WASHC5: variants seen among roughly 807,000 people sequenced by gnomAD.
The protein encoded by WASHC5 is WASH complex subunit 5, also known as WASH complex subunit strumpellin.
Under a neutral mutation model 150.4 loss-of-function variants are expected in WASHC5, and 101 were observed. The observed-to-expected ratio is 0.67, with a 90% CI of 0.57 to 0.79. The LOEUF is 0.79. WASHC5 is among the 30% of genes least tolerant of loss of function. WASHC5 has a pLI of 0.00. For missense variants in WASHC5, 1,195 were observed against 1,396.3 expected, an observed-to-expected ratio of 0.86 and a Z score of 2.30; for synonymous variants, 467 against 491.2, an observed-to-expected ratio of 0.95 and a Z score of 0.65.
chr8:125,039,533 T>G (rs559495388), intron 24 of WASHC5, among the ~76,000 whole-genome samples: 2 of 152,268 alleles, frequency 1.3e-5, no homozygotes, highest in South Asian at 4.1e-4. Context: ...TCAGCAGACA[T>G]GTATTGAATC....
Position 125,063,515 on chromosome 8 carries a change from T to C in WASHC5, c.1408+7A>G, listed in dbSNP as rs16900312. On this transcript the variant is annotated splice_region_variant and intron_variant, in intron 11 of 28. Coordinates refer to ENST00000318410, the MANE Select transcript of WASHC5 (RefSeq NM_014846.4). Reference sequence around the variant, plus strand: ...AAACACACCAGTATTTCCTCTTCAGTAATTACCATTTTTCTCCACTCTGGT... The same window carrying C: ...AAACACACCAGTATTTCCTCTTCAGCAATTACCATTTTTCTCCACTCTGGT... 4.7e-3 allele frequency: 7,626 copies of C among 1,613,548 alleles called. 316 individuals are homozygous for C. In the African/African-American group the frequency reaches 0.09, roughly 19 times the overall value.
At position 125,061,429 on chromosome 8, in the gene WASHC5, G is replaced by A. The variant is rs16900305; in HGVS notation, c.1409-235C>T. 0.026 allele frequency among the ~76,000 whole-genome samples: 3,998 copies of A among 152,244 alleles called. 182 individuals are homozygous for A. The highest frequency in any genetic ancestry group is 0.092 in the African/African-American group (3,828 of 41,520). On this transcript the variant is annotated intron_variant, in intron 11 of 28. Transcript: ENST00000318410. ...GCAGACAAATACTAAAGGCTCAAGT[G>A]CATGCTATAAAGTGTAGAGGTGGTG...
chr8:125,076,477 C>G lies in WASHC5; in HGVS notation c.735G>C (p.Glu245Asp), dbSNP rs765982075. 4 of 1,614,012 alleles carry G rather than the reference C, an allele frequency of 2.5e-6. No homozygotes were observed. The Middle Eastern group carries it at 5.0e-4, about 200-fold the overall frequency. ...GGTTTGCCAGGGCTGTGCTGCGATG[C>G]TCCGGCAAAGGATACGCTGAGACCT... The part of the protein sequence containing the change: ...YNQVSAYPLP[E>D]HRSTALANQA... The change falls in exon 7 of 29, where the codon GAG becomes GAC. Residue 245 changes from glutamate to aspartate, a missense_variant. Coordinates refer to ENST00000318410, the MANE Select transcript of WASHC5 (RefSeq NM_014846.4).
At chr8:125,054,144 T>C (rs777998772) in intron 17 of WASHC5, among the ~76,000 whole-genome samples, 3 of 152,206 alleles carry the variant, frequency 2.0e-5, no homozygotes, top group Non-Finnish European at 4.4e-5. Context: ...GAGACGTTCA[T>C]CATGACATTG....
intron 28 of WASHC5, among the ~76,000 whole-genome samples, chr8:125,026,641 T>A (rs1346796694): frequency 6.6e-6 from 1 of 152,160 alleles, no homozygotes; most frequent in South Asian, 2.1e-4. Flanking sequence ...TGAACTTACA[T>A]CTATTGACTA....
In WASHC5 at chr8:125,061,110, GT is replaced by G; in HGVS notation, c.1492del (p.Thr498LeufsTer4). On this transcript the variant is annotated frameshift_variant, in exon 12 of 29. Coordinates refer to ENST00000318410, the MANE Select transcript of WASHC5 (RefSeq NM_014846.4). LOFTEE classifies it high-confidence loss of function. The stretch of plus-strand genomic sequence containing the variant: ...TTCCAAAGCTTGTATCAGTTGTACA[GT>G]TTTTCTGCCCGCAGCAGTAGAATCA... ...YDDSTAAGRK[T>X]VQLIQALEEV... 1 of 1,610,506 alleles carries G rather than the reference GT, an allele frequency of 6.2e-7. No homozygotes were observed. The highest frequency in any genetic ancestry group is 1.1e-5 in the South Asian group (1 of 91,018).
chr8:125,024,620 C>CA lies in WASHC5; in HGVS notation c.3476dup (p.Ter1160ValfsTer48). 1 of 1,603,840 alleles carries CA rather than the reference C, an allele frequency of 6.2e-7. No individual in the cohort carries two copies. Among genetic ancestry groups the CA allele is most frequent in the Non-Finnish European group, 8.5e-7 (1 of 1,170,738 alleles). On this transcript the variant is annotated frameshift_variant, in exon 29 of 29. Coordinates refer to ENST00000318410, the MANE Select transcript of WASHC5 (RefSeq NM_014846.4). LOFTEE classifies it high-confidence loss of function. Reference sequence around the variant, plus strand: ...ATTGAAGAAGTAGGAAAAACAGTTACAGCACTGTTCTGAACTCATCAAAAA... The same window carrying CA: ...ATTGAAGAAGTAGGAAAAACAGTTACAAGCACTGTTCTGAACTCATCAAAAA...
At chr8:125,091,128 C>G (rs1346183233) in intron 1 of WASHC5, among the ~76,000 whole-genome samples, 1 of 147,548 alleles carries the variant, frequency 6.8e-6, no homozygotes, top group African/African-American at 2.5e-5. Context: ...GCCCTGGGAA[C>G]TTTTTTTTTT....
At chr8:125,079,164 C>T (rs1430400625) in intron 5 of WASHC5, among the ~76,000 whole-genome samples, 8 of 112,474 alleles carry the variant, frequency 7.1e-5, no homozygotes, top group East Asian at 2.3e-4. Context: ...GATGGAGTCT[C>T]GCTATGTATG....
intron 26 of WASHC5, among the ~76,000 whole-genome samples, chr8:125,033,340 T>C (rs1010534461): frequency 6.6e-6 from 1 of 151,964 alleles, no homozygotes; most frequent in African/African-American, 2.4e-5. Flanking sequence ...TAGTCACAAA[T>C]ATACCAAATA....
chr8:125,039,155 T>C (rs1464850603), intron 24 of WASHC5, among the ~76,000 whole-genome samples, 196 bp from the exon 25 acceptor site: 1 of 152,254 alleles, frequency 6.6e-6, no homozygotes, highest in Non-Finnish European at 1.5e-5. Context: ...CTTCATCTTT[T>C]GGAATCAACC....
chr8:125,046,139 G>A (rs1056940674), intron 20 of WASHC5, among the ~76,000 whole-genome samples: 4 of 152,128 alleles, frequency 2.6e-5, no homozygotes, highest in African/African-American at 7.2e-5. Context: ...TCAACTACAC[G>A]TGCCTGGGTG....
chr8:125,074,901 T>A (rs1350024207), intron 8 of WASHC5, 97 bp downstream of exon 8: 1 of 793,120 alleles, frequency 1.3e-6, no homozygotes, highest in Non-Finnish European at 2.3e-6. Context: ...ATCTAAGTGA[T>A]TATCTTCCAA....
chr8:125,080,148 C>G (rs1040924549), intron 5 of WASHC5, among the ~76,000 whole-genome samples: 7 of 152,166 alleles, frequency 4.6e-5, no homozygotes, highest in Non-Finnish European at 1.0e-4. Flanking sequence ...ATCTCTTTTG[C>G]CACGACTGTG....
At chr8:125,026,133 GC>G (rs1305885201) in intron 28 of WASHC5, among the ~76,000 whole-genome samples, 1 of 152,144 alleles carries the variant, frequency 6.6e-6, no homozygotes, top group East Asian at 1.9e-4. Flanking sequence ...AATAATGGGG[GC>G]CCAACATTTT....
chr8:125,079,094 G>GTATATA (rs1178176449), intron 5 of WASHC5, among the ~76,000 whole-genome samples, 164 bp from the exon 6 acceptor site: 6 of 103,974 alleles, frequency 5.8e-5, no homozygotes, highest in Non-Finnish European at 9.5e-5. Flanking sequence ...AAAATTATGT[G>GTATATA]TATATATATG....
intron 23 of WASHC5, chr8:125,040,640 C>T (rs1815858554): frequency 1.3e-5 from 2 of 152,136 alleles, no homozygotes; most frequent in South Asian, 2.1e-4. Flanking sequence ...TGAGTTCTCA[C>T]GAGATCTGAT....
intron 28 of WASHC5, among the ~76,000 whole-genome samples, chr8:125,026,433 A>AAATC (rs1179475013): frequency 6.6e-6 from 1 of 152,006 alleles, no homozygotes; most frequent in African/African-American, 2.4e-5. Flanking sequence ...CATTTATAAA[A>AAATC]AATCAAGTCT....
chr8:125,090,754 G>A (rs1312405235), intron 1 of WASHC5, among the ~76,000 whole-genome samples: 1 of 152,218 alleles, frequency 6.6e-6, no homozygotes, highest in Non-Finnish European at 1.5e-5. Context: ...ACAAAAGAAG[G>A]CAGGTCTATT....
Sources: allele counts gnomAD v4.1 joint callset (sites outside exome capture counted in the v4.1 genomes callset), GRCh38; gene constraint gnomAD v4.1.1; transcripts MANE v1.5; gene names NCBI Gene and HGNC (gene_info 2026-07-23, HGNC 2026-07-21).